ACKR3: variants seen among roughly 807,000 people sequenced by gnomAD.
The protein encoded by ACKR3 is C-X-C chemokine receptor type 7.
Under a neutral mutation model 22.4 loss-of-function variants are expected in ACKR3, and 6 were observed. The ratio of observed to expected loss-of-function variants is 0.27; its 90% CI spans 0.15 to 0.53. The LOEUF is 0.53. Ranked by LOEUF, ACKR3 falls within the 20% of genes least tolerant of loss-of-function variation. The probability of loss-of-function intolerance (pLI) is 0.96; values close to 1 mark genes in which losing one functional copy is unlikely to be tolerated. For missense variants in ACKR3, 396 were observed against 475.2 expected (o/e 0.83, Z 1.55); for synonymous variants, 209 against 205.2 (o/e 1.02, Z -0.16).
At chr2:236,557,252 ACG>A in the ACKR3 span, among the ~76,000 whole-genome samples, 2 of 132,348 alleles carry the variant, frequency 1.5e-5, no homozygotes, top group African/African-American at 7.6e-5. Context: ...TTTCATGTGA[ACG>A]TATGTGTGTG....
At chr2:236,554,699 C>T in the ACKR3 span, among the ~76,000 whole-genome samples, 16 of 152,324 alleles carry the variant, frequency 1.1e-4, no homozygotes, top group South Asian at 3.3e-3. Context: ...CTGCCATGCT[C>T]TGGGAGAACT....
At chr2:236,572,143 G>A (rs1343129535) in intron 1 of ACKR3, among the ~76,000 whole-genome samples, 3 of 152,126 alleles carry the variant, frequency 2.0e-5, no homozygotes, top group Non-Finnish European at 4.4e-5. Flanking sequence ...TGCAGGCGGT[G>A]GCCCTGATTT....
At position 236,582,217 on chromosome 2, in the gene ACKR3, T is replaced by C. The variant is rs149918767; in HGVS notation, c.*663T>C. ...AATGCAGTTTGTGACATTAATAGTA[T>C]TGTAAAGTTACATTTTAAAATAAAC... is the stretch of plus-strand genomic sequence containing the variant. On this transcript the variant is annotated 3_prime_UTR_variant, in exon 2 of 2. Transcript: ENST00000272928. The C allele has an allele frequency of 4.9e-4, 82 of 167,172 alleles. No individual in the cohort carries two copies. The highest frequency in any genetic ancestry group is 1.6e-3 in the African/African-American group (68 of 41,574). 10.4% of individuals were successfully genotyped at this position (167,172 alleles called of 1,614,324 possible).
chr2:236,576,482 C>T lies in ACKR3; in HGVS notation c.-26-3958C>T, dbSNP rs1691414184. 2.0e-5 allele frequency among the ~76,000 whole-genome samples: 3 copies of T among 152,330 alleles called. No homozygotes were observed. In the South Asian group the frequency reaches 6.2e-4, roughly 32 times the overall value. On this transcript the variant is annotated intron_variant, in intron 1 of 1. Transcript: ENST00000272928. ...CAGATTTTGCAGGGAGCTTTGTCAC[C>T]AGGCTTTTGAGAACCAGGGGCCCTG...
chr2:236,538,844 T>G, the ACKR3 span, among the ~76,000 whole-genome samples: 1 of 152,220 alleles, frequency 6.6e-6, no homozygotes, highest in Non-Finnish European at 1.5e-5. Context: ...TAAGAAGTGA[T>G]GTGTGGTTTC....
chr2:236,546,391 G>T, the ACKR3 span, among the ~76,000 whole-genome samples: 13 of 152,256 alleles, frequency 8.5e-5, no homozygotes, highest in African/African-American at 3.1e-4. The surrounding 1 kb of genome is among the most constrained non-coding windows in gnomAD (Gnocchi z 4.9). Flanking sequence ...CTCCACAAGG[G>T]CAGGGCTAGT....
At chr2:236,542,197 T>C in the ACKR3 span, among the ~76,000 whole-genome samples, 1 of 152,248 alleles carries the variant, frequency 6.6e-6, no homozygotes, top group Non-Finnish European at 1.5e-5. Context: ...CAGATTGCAC[T>C]GTCTCTTCCC....
At chr2:236,566,450 A>G (rs547691654), upstream of ACKR3, among the ~76,000 whole-genome samples, 1 of 152,290 alleles carries the variant, frequency 6.6e-6, no homozygotes, top group East Asian at 1.9e-4. Flanking sequence ...ACCTTACTGA[A>G]AAGGTTAAAA....
the ACKR3 span, among the ~76,000 whole-genome samples, chr2:236,551,525 A>T: frequency 1.3e-5 from 2 of 152,012 alleles, no homozygotes; most frequent in Non-Finnish European, 2.9e-5. Context: ...TGAATCTCCC[A>T]GTGTGTATTG....
the ACKR3 span, among the ~76,000 whole-genome samples, chr2:236,542,425 G>A: frequency 6.6e-6 from 1 of 152,172 alleles, no homozygotes; most frequent in African/African-American, 2.4e-5. Context: ...TGTGGGAAGA[G>A]GAAGGGCTCA....
the ACKR3 span, among the ~76,000 whole-genome samples, chr2:236,561,972 T>C: frequency 6.6e-6 from 1 of 152,246 alleles, no homozygotes; most frequent in Non-Finnish European, 1.5e-5. Flanking sequence ...TCTTTTCTTC[T>C]TCCTTGTGCA....
At chr2:236,572,236 A>G (rs990512676) in intron 1 of ACKR3, among the ~76,000 whole-genome samples, 3 of 152,194 alleles carry the variant, frequency 2.0e-5, no homozygotes, top group African/African-American at 7.2e-5. Context: ...ACAAAACACT[A>G]TTGCTTCAAT....
rs1244475216 is a variant in ACKR3, at chr2:236,575,587, CGT to C, written c.-26-4848_-26-4847del. ...TGTGTCTGGGGTTGTGCTGTGTGTG[CGT>C]GTGTCTGGGGTTGTGCTCTGTGTGT... is the stretch of plus-strand genomic sequence containing the variant. On this transcript the variant is annotated intron_variant, in intron 1 of 1. Coordinates refer to ENST00000272928, the MANE Select transcript of ACKR3 (RefSeq NM_020311.3). Among the ~76,000 whole-genome samples the C allele has an allele frequency of 3.7e-4, 24 of 65,648 alleles. 3 individuals carry two copies. Among genetic ancestry groups the C allele is most frequent in the African/African-American group, 1.3e-3 (18 of 14,058 alleles). The allele number at this position is 65,648 out of a possible 152,430, so 43.1% of individuals were successfully genotyped here. A position where few individuals can be genotyped will look rare whatever the true frequency, so the allele number is the denominator to read the frequency against.
the ACKR3 span, among the ~76,000 whole-genome samples, chr2:236,543,295 C>T: frequency 1.1e-4 from 17 of 152,134 alleles, no homozygotes; most frequent in Admixed American, 2.6e-4. Flanking sequence ...ATGGGGCTCA[C>T]GTTTTGTGGA....
At chr2:236,539,389 T>C in the ACKR3 span, among the ~76,000 whole-genome samples, 6 of 150,214 alleles carry the variant, frequency 4.0e-5, no homozygotes, top group African/African-American at 1.5e-4. Flanking sequence ...CTCGGCTCAC[T>C]GGAACCTCTG....
chr2:236,569,049 G>A (rs1691249374), upstream of ACKR3, among the ~76,000 whole-genome samples: 2 of 152,170 alleles, frequency 1.3e-5, no homozygotes, highest in African/African-American at 4.8e-5. Context: ...GGGAACTTTA[G>A]CAATACGCAT....
upstream of ACKR3, among the ~76,000 whole-genome samples, chr2:236,563,076 G>T (rs1271477129): frequency 6.6e-6 from 1 of 152,098 alleles, no homozygotes; most frequent in African/African-American, 2.4e-5. Flanking sequence ...TAAGTGTATT[G>T]GTTTCATATG....
the ACKR3 span, among the ~76,000 whole-genome samples, chr2:236,539,515 G>A: frequency 6.6e-6 from 1 of 151,728 alleles, no homozygotes; most frequent in Non-Finnish European, 1.5e-5. Context: ...GTTTCACCAT[G>A]TTGCCCTGGC....
the ACKR3 span, among the ~76,000 whole-genome samples, chr2:236,553,936 G>A: frequency 3.3e-5 from 5 of 152,200 alleles, no homozygotes; most frequent in African/African-American, 4.8e-5. Flanking sequence ...ATCTGTTTGC[G>A]TAGAGCTTTA....
Sources: gnomAD v4.1 joint callset for allele counts (sites outside exome capture counted in the v4.1 genomes callset) on GRCh38, gnomAD v4.1.1 for gene constraint, Gnocchi (gnomAD v3.1) non-coding constraint, MANE v1.5 for transcripts, NCBI Gene and HGNC (gene_info 2026-07-23, HGNC 2026-07-21) for gene names.